Variants in RBFOX1 observed in about 807,000 individuals in gnomAD.
RBFOX1 encodes the protein RNA binding protein fox-1 homolog 1.
A neutral mutation model predicts 57.7 loss-of-function variants in RBFOX1; 8 were observed. The observed-to-expected ratio is 0.14, with a 90% CI of 0.08 to 0.25. The LOEUF is 0.25. RBFOX1 is among the 10% of genes least tolerant of loss of function. The pLI is 1.00. For missense variants in RBFOX1, 611 were observed against 548.5 expected, an observed-to-expected ratio of 1.11 and a Z score of -1.14; for synonymous variants, 326 against 222.4, an observed-to-expected ratio of 1.47 and a Z score of -4.15.
At position 6,411,064 on chromosome 16, in the gene RBFOX1, A is replaced by G. The variant is rs116678458; in HGVS notation, c.-64+94007A>G. On this transcript the variant is annotated intron_variant, in intron 2 of 15. Coordinates refer to ENST00000550418, the MANE Select transcript of RBFOX1 (RefSeq NM_018723.4). ...GCTCCCGCTGCTCACAGGAGAAGCT[A>G]GTATTATTCCCCTACTCTGAAAACC... is the stretch of plus-strand genomic sequence containing the variant. 2.6e-3 allele frequency among the ~76,000 whole-genome samples: 397 copies of G among 152,296 alleles called. 1 individual carries two copies. Among genetic ancestry groups the G allele is most frequent in the African/African-American group, 9.1e-3 (380 of 41,568 alleles).
chr16:6,351,375 T>A (rs372390743), intron 2 of RBFOX1, among the ~76,000 whole-genome samples: 21,068 of 127,292 alleles, frequency 0.17, 1,032 homozygotes, highest in Non-Finnish European at 0.19. Context: ...TATATATATT[T>A]TTTTTTTTTT....
chr16:7,085,758 C>G (rs927636318), intron 4 of RBFOX1, among the ~76,000 whole-genome samples: 1 of 152,130 alleles, frequency 6.6e-6, no homozygotes, highest in Non-Finnish European at 1.5e-5. Context: ...GTTTTTTCTT[C>G]ACTGTAATGA....
At chr16:5,708,704 G>T (rs933925349) in intron 3 of RBFOX1, among the ~76,000 whole-genome samples, 1 of 152,140 alleles carries the variant, frequency 6.6e-6, no homozygotes, top group Non-Finnish European at 1.5e-5. Flanking sequence ...TTGTTCCAGT[G>T]GTATATCTGG....
chr16:6,646,491 G>C (rs1419850275), intron 2 of RBFOX1, among the ~76,000 whole-genome samples: 4 of 152,100 alleles, frequency 2.6e-5, no homozygotes, highest in Non-Finnish European at 5.9e-5. Context: ...CTCGGTGGCA[G>C]ATTAAGAGCA....
intron 2 of RBFOX1, among the ~76,000 whole-genome samples, chr16:5,477,107 G>A (rs930403534): frequency 6.6e-6 from 1 of 152,126 alleles, no homozygotes; most frequent in African/African-American, 2.4e-5. Context: ...TCGACCTCCT[G>A]GGCTCAGGCG....
chr16:6,686,583 T>C (rs1222928858), intron 3 of RBFOX1, among the ~76,000 whole-genome samples: 1 of 152,178 alleles, frequency 6.6e-6, no homozygotes, highest in South Asian at 2.1e-4. Context: ...AACACATTCT[T>C]CAATAGGGGT....
At chr16:6,531,329 C>G (rs2096655221) in intron 2 of RBFOX1, among the ~76,000 whole-genome samples, 1 of 152,188 alleles carries the variant, frequency 6.6e-6, no homozygotes, top group Non-Finnish European at 1.5e-5. Context: ...AGGTACTTCA[C>G]TTAGCATGGA....
chr16:6,998,252 C>G (rs1239361228), intron 3 of RBFOX1, among the ~76,000 whole-genome samples: 2 of 151,932 alleles, frequency 1.3e-5, no homozygotes, highest in African/African-American at 4.8e-5. Flanking sequence ...GCTAAATATT[C>G]CTAAAGCCTA....
At chr16:5,349,840 C>A (rs1384148333) in intron 1 of RBFOX1, among the ~76,000 whole-genome samples, 2 of 152,192 alleles carry the variant, frequency 1.3e-5, no homozygotes, top group African/African-American at 4.8e-5. Context: ...TGAGCTGAGG[C>A]CCCAGGAAGC....
intron 4 of RBFOX1, among the ~76,000 whole-genome samples, chr16:5,923,979 C>T (rs572406685): frequency 1.3e-5 from 2 of 152,156 alleles, no homozygotes; most frequent in Admixed American, 6.5e-5. Context: ...ATAATCTCCA[C>T]GTGTCAAGGT....
chr16:5,699,623 A>C (rs1444605335), intron 3 of RBFOX1, among the ~76,000 whole-genome samples: 11 of 152,054 alleles, frequency 7.2e-5, no homozygotes, highest in African/African-American at 2.7e-4. Flanking sequence ...AGCTCTGGGT[A>C]GACATTTTTG....
In RBFOX1 at chr16:6,498,319, T is replaced by C. The variant is rs139788838; in HGVS notation, c.-63-156284T>C. On this transcript the variant is annotated intron_variant, in intron 2 of 15. Transcript: ENST00000550418. The stretch of plus-strand genomic sequence containing the variant: ...TCCTAGGTTGATAAAATTACTGAGA[T>C]AGTAGAATTTAGAGAGACTTATGAG... 2.0e-3 allele frequency among the ~76,000 whole-genome samples: 303 copies of C among 150,496 alleles called. 1 individual carries two copies. Among genetic ancestry groups the C allele is most frequent in the Non-Finnish European group, 3.6e-3 (242 of 67,794 alleles).
At position 6,435,946 on chromosome 16, in the gene RBFOX1, C is replaced by T. The variant is rs540838658; in HGVS notation, c.-64+118889C>T. ...CATCGTTTTCCCACCACGAACTTCA[C>T]TTAGCATGTGATGGTTTTTCATTCT... On this transcript the variant is annotated intron_variant, in intron 2 of 15. Transcript: ENST00000550418. Among the ~76,000 whole-genome samples the T allele has an allele frequency of 4.6e-5, 7 of 152,266 alleles. No homozygotes were observed. In the East Asian group the frequency reaches 1.2e-3, roughly 25 times the overall value.
chr16:5,802,023 G>C (rs569088896), intron 3 of RBFOX1, among the ~76,000 whole-genome samples: 1 of 152,232 alleles, frequency 6.6e-6, no homozygotes, highest in South Asian at 2.1e-4. Context: ...GGAGGAAGAG[G>C]AGACCTTGAC....
chr16:5,884,635 A>G (rs952882271), intron 4 of RBFOX1, among the ~76,000 whole-genome samples: 2 of 152,094 alleles, frequency 1.3e-5, no homozygotes, highest in African/African-American at 2.4e-5. Flanking sequence ...GCTCATCCCC[A>G]TGTTCTCTCA....
intron 2 of RBFOX1, among the ~76,000 whole-genome samples, chr16:5,549,822 A>C (rs76596386): frequency 6.6e-6 from 1 of 152,232 alleles, no homozygotes; most frequent in East Asian, 1.9e-4. Flanking sequence ...GTAGTTTGTG[A>C]GTTACTGGGA....
intron 3 of RBFOX1, among the ~76,000 whole-genome samples, chr16:6,987,479 AC>A: frequency 8.7e-6 from 1 of 115,010 alleles, no homozygotes; most frequent in Non-Finnish European, 1.6e-5. Context: ...ACACACACAC[AC>A]ACACACACAC....
intron 2 of RBFOX1, among the ~76,000 whole-genome samples, chr16:6,577,774 G>A (rs1232081252): frequency 6.6e-6 from 1 of 152,204 alleles, no homozygotes. Context: ...GCCAGAACCA[G>A]TCACATGGCC....
At chr16:6,730,624 A>C (rs1375021910) in intron 3 of RBFOX1, among the ~76,000 whole-genome samples, 1 of 152,216 alleles carries the variant, frequency 6.6e-6, no homozygotes, top group African/African-American at 2.4e-5. Flanking sequence ...ATCATTGTTT[A>C]ATGTGAAGAC....
Sources: gnomAD v4.1 joint callset for allele counts (sites outside exome capture counted in the v4.1 genomes callset) on GRCh38, gnomAD v4.1.1 for gene constraint, MANE v1.5 for transcripts, NCBI Gene and HGNC (gene_info 2026-07-23, HGNC 2026-07-21) for gene names.